Variants in TXNL4A observed in about 807,000 individuals in gnomAD.
TXNL4A encodes thioredoxin-like protein 4A.
TXNL4A carries 17 observed loss-of-function variants against 14.6 expected under a neutral mutation model. The ratio of observed to expected loss-of-function variants is 1.16; its 90% CI spans 0.80 to 1.74. The LOEUF (loss-of-function observed/expected upper bound fraction) is 1.74, where lower values mean the gene tolerates loss of function less well. TXNL4A is among the 40% of genes most tolerant of loss of function. TXNL4A has a pLI of 0.00. For missense variants in TXNL4A, 74 were observed against 195.2 expected, an observed-to-expected ratio of 0.38 and a Z score of 3.70; for synonymous variants, 83 against 70.6, an observed-to-expected ratio of 1.18 and a Z score of -0.88.
intron 2 of TXNL4A, chr18:79,976,823 T>C (rs1270807088): frequency 2.2e-6 from 1 of 452,532 alleles, no homozygotes; most frequent in South Asian, 1.6e-5. Flanking sequence ...TGGTGATTTC[T>C]TTCCCCATTA....
chr18:80,004,532 G>T (rs1188566286), intron 1 of TXNL4A, among the ~76,000 whole-genome samples: 1 of 152,156 alleles, frequency 6.6e-6, no homozygotes, highest in Non-Finnish European at 1.5e-5. Flanking sequence ...GGGGGGATTC[G>T]CACTTCCTTG....
At position 80,011,141 on chromosome 18, in the gene TXNL4A, T is replaced by A. The variant is rs1344204128; in HGVS notation, c.-61+22710A>T. 3.3e-5 allele frequency among the ~76,000 whole-genome samples: 5 copies of A among 152,112 alleles called. No individual in the cohort carries two copies. On this transcript the variant is annotated intron_variant, in intron 1 of 2. Coordinates refer to the TXNL4A transcript ENST00000585474. This position sits in a 1 kb window ranked among gnomAD's most constrained non-coding sequence, Gnocchi z 4.1. ...GGGAAAGGAAACAATTTGGGTTATA[T>A]CATTGAGTATGCAAAGGCCAAACAC...
At chr18:80,009,421 G>C (rs536760757) in intron 1 of TXNL4A, among the ~76,000 whole-genome samples, 1 of 152,280 alleles carries the variant, frequency 6.6e-6, no homozygotes, top group South Asian at 2.1e-4. Context: ...CTGCTTAGCT[G>C]TGCACTCCTG....
At chr18:79,981,302 A>G (rs1289717894) in intron 1 of TXNL4A, among the ~76,000 whole-genome samples, 1 of 152,248 alleles carries the variant, frequency 6.6e-6, no homozygotes, top group Admixed American at 6.5e-5. Flanking sequence ...AATTTTTACC[A>G]TCCCTTTTCT....
intron 1 of TXNL4A, among the ~76,000 whole-genome samples, chr18:80,015,101 T>A (rs966727161): frequency 1.5e-4 from 23 of 152,170 alleles, no homozygotes; most frequent in Non-Finnish European, 2.8e-4. Flanking sequence ...CAAAAACATT[T>A]TTTCCTCCTT....
intron 1 of TXNL4A, among the ~76,000 whole-genome samples, chr18:79,987,118 G>C (rs1035691988): frequency 2.0e-5 from 3 of 152,134 alleles, no homozygotes; most frequent in Non-Finnish European, 4.4e-5. Flanking sequence ...AGAATTCCCT[G>C]AGGGGCTTCT....
intron 1 of TXNL4A, among the ~76,000 whole-genome samples, chr18:80,028,114 A>T (rs866262164): frequency 1.1e-4 from 17 of 150,996 alleles, no homozygotes; most frequent in Admixed American, 2.6e-4. Context: ...CCCTTTTCAC[A>T]CACAAAACTG....
At chr18:80,000,933 C>T (rs1161715915) in intron 1 of TXNL4A, among the ~76,000 whole-genome samples, 2 of 152,146 alleles carry the variant, frequency 1.3e-5, no homozygotes, top group Non-Finnish European at 2.9e-5. Flanking sequence ...GAATTACAGG[C>T]GTGAGCAAGG....
intron 1 of TXNL4A, among the ~76,000 whole-genome samples, chr18:80,013,647 T>C (rs2051787319): frequency 1.3e-5 from 2 of 151,716 alleles, no homozygotes; most frequent in Admixed American, 6.6e-5. Context: ...GGTTTCACCA[T>C]GTTGGTCAGG....
chr18:80,009,703 G>C (rs2051757386), intron 1 of TXNL4A, among the ~76,000 whole-genome samples: 1 of 152,256 alleles, frequency 6.6e-6, no homozygotes, highest in Non-Finnish European at 1.5e-5. Context: ...TCGGCAACTT[G>C]AGAGATGAGT....
chr18:79,979,062 C>T (rs554198503), intron 1 of TXNL4A, among the ~76,000 whole-genome samples: 10 of 152,024 alleles, frequency 6.6e-5, no homozygotes, highest in African/African-American at 2.2e-4. Flanking sequence ...CTCAAACTCT[C>T]GTGTAGCTGG....
At chr18:79,978,911 G>A (rs1419668216) in intron 1 of TXNL4A, among the ~76,000 whole-genome samples, 3 of 150,792 alleles carry the variant, frequency 2.0e-5, no homozygotes, top group Non-Finnish European at 4.4e-5. Flanking sequence ...ACAATATTTT[G>A]TATGCTGCTT....
chr18:80,009,672 T>C (rs1440558249), intron 1 of TXNL4A, among the ~76,000 whole-genome samples: 2 of 152,148 alleles, frequency 1.3e-5, no homozygotes, highest in African/African-American at 4.8e-5. Context: ...GGAAGTGAAG[T>C]GCACTTGCAA....
chr18:80,032,459 G>A (rs1327403038), intron 1 of TXNL4A, among the ~76,000 whole-genome samples: 3 of 152,184 alleles, frequency 2.0e-5, no homozygotes, highest in Non-Finnish European at 4.4e-5. Flanking sequence ...CCCCCTTTTG[G>A]TTCCTAAATA....
At chr18:79,988,158 C>A in intron 1 of TXNL4A, 82 bp downstream of exon 1, 1 of 1,324,590 alleles carries the variant, frequency 7.5e-7, no homozygotes, top group Non-Finnish European at 9.8e-7. Flanking sequence ...ACAGCTCGCG[C>A]CCCCAGGCGA....
chr18:80,018,825 C>A (rs2051829664), intron 1 of TXNL4A, among the ~76,000 whole-genome samples: 2 of 152,172 alleles, frequency 1.3e-5, no homozygotes, highest in Admixed American at 1.3e-4. Flanking sequence ...CTGCCAGATA[C>A]CCTAAATCAT....
chr18:80,004,012 G>A (rs2051713647), intron 1 of TXNL4A, among the ~76,000 whole-genome samples: 1 of 152,020 alleles, frequency 6.6e-6, no homozygotes, highest in African/African-American at 2.4e-5. Context: ...TTTGGGTGGG[G>A]ACACAGCCAG....
intron 1 of TXNL4A, among the ~76,000 whole-genome samples, chr18:80,016,253 T>C (rs1397943067): frequency 2.0e-5 from 3 of 152,056 alleles, no homozygotes; most frequent in African/African-American, 7.3e-5. Flanking sequence ...TTGTAGATTC[T>C]GGATATTAGC....
At chr18:80,015,834 G>A (rs1463893717) in intron 1 of TXNL4A, among the ~76,000 whole-genome samples, 1 of 146,588 alleles carries the variant, frequency 6.8e-6, no homozygotes, top group Non-Finnish European at 1.5e-5. Context: ...GTGTGCATGT[G>A]TCTTTATAGC....
Sources: allele counts gnomAD v4.1 joint callset (sites outside exome capture counted in the v4.1 genomes callset), GRCh38; gene constraint gnomAD v4.1.1; non-coding constraint Gnocchi (gnomAD v3.1); transcripts MANE v1.5; gene names NCBI Gene and HGNC (gene_info 2026-07-23, HGNC 2026-07-21).